The following GALT variants were observed in gnomAD, a reference collection of about 807,000 sequenced individuals.
GALT encodes galactose-1-phosphate uridylyltransferase.
GALT carries 42 observed loss-of-function variants against 55.4 expected under a neutral mutation model. That is an observed-to-expected ratio of 0.76 (90% CI 0.59 to 0.98). The LOEUF (loss-of-function observed/expected upper bound fraction) is 0.98, where lower values mean the gene tolerates loss of function less well. GALT is among the 50% of genes least tolerant of loss of function. The pLI is 0.00. For synonymous variants in GALT, 154 were observed against 181.5 expected (o/e 0.85, Z 1.22); for missense variants, 407 against 495.7 (o/e 0.82, Z 1.70).
chr9:34,647,722 C>T lies in GALT; in HGVS notation c.377+17C>T, dbSNP rs188599777. On this transcript the variant is annotated intron_variant, in intron 4 of 10. Transcript: ENST00000378842. This position sits in a 1 kb window ranked among gnomAD's most constrained non-coding sequence, Gnocchi z 5.6. ...AGGAGTCTGGTAACTATGGATTTCC[C>T]CTCTTACAACTTTCAAACCAGAGTT... The T allele has an allele frequency of 6.2e-7, 1 of 1,614,116 alleles. No individual in the cohort carries two copies. The highest frequency in any genetic ancestry group is 8.5e-7 in the Non-Finnish European group (1 of 1,179,988).
At position 34,647,574 on chromosome 9, in the gene GALT, T is replaced by C. The variant is rs774350978; in HGVS notation, c.328+7T>C. ...CCTGATGCCCCCAGTCCAGGTAACCTGGCTCCAACTGCTGCTGGGGAGGAG... is the reference window on the plus strand; with the variant it reads ...CCTGATGCCCCCAGTCCAGGTAACCCGGCTCCAACTGCTGCTGGGGAGGAG... On this transcript the variant is annotated splice_region_variant and intron_variant, in intron 3 of 10. Coordinates refer to ENST00000378842, the MANE Select transcript of GALT (RefSeq NM_000155.4). The surrounding 1 kb of genome is among the most constrained non-coding windows in gnomAD (Gnocchi z 5.6). 3.2e-5 allele frequency: 52 copies of C among 1,614,048 alleles called. No homozygotes were observed. The Middle Eastern group carries it at 4.9e-3, about 153-fold the overall frequency.
intron 10 of GALT, 197 bp downstream of exon 10, chr9:34,649,761 C>T: frequency 5.0e-6 from 3 of 604,414 alleles, no homozygotes; most frequent in Non-Finnish European, 8.8e-6. Flanking sequence ...CTCCTGCTTC[C>T]TCCAGGGAAC....
chr9:34,648,652 G>T lies in GALT; in HGVS notation c.688-110G>T. 6.6e-7 allele frequency: 1 copy of T among 1,513,548 alleles called. No homozygotes were observed. The highest frequency in any genetic ancestry group is 9.1e-7 in the Non-Finnish European group (1 of 1,096,750). The allele number at this position is 1,513,548 out of a possible 1,614,324, so 93.8% of individuals were successfully genotyped here. On this transcript the variant is annotated intron_variant, in intron 7 of 10. Coordinates refer to ENST00000378842, the MANE Select transcript of GALT (RefSeq NM_000155.4). This position sits in a 1 kb window ranked among gnomAD's most constrained non-coding sequence, Gnocchi z 4.9. ...TGGTTAGTGGTAGAGGTGGTGAGAA[G>T]ACATCAGATCCTGGGCACATTCTTT...
chr9:34,649,043 T>C lies in GALT; in HGVS notation c.866T>C (p.Leu289Pro). The C allele has an allele frequency of 6.2e-7, 1 of 1,614,076 alleles. No individual in the cohort carries two copies. Among genetic ancestry groups the C allele is most frequent in the African/African-American group, 1.3e-5 (1 of 75,014 alleles). ...MKKLLTKYDNLFETSFPYSMG... is the reference protein window; with the variant it reads ...MKKLLTKYDNPFETSFPYSMG... Reference sequence around the variant, plus strand: ...AAGCTCTTGACCAAGTATGACAACCTCTTTGAGACGTCCTTTCCCTACTCC... The same window carrying C: ...AAGCTCTTGACCAAGTATGACAACCCCTTTGAGACGTCCTTTCCCTACTCC... The change falls in exon 9 of 11, where the codon CTC (leucine) becomes CCC (proline). Residue 289 changes from leucine (L) to proline (P), a missense_variant. Physicochemically the swap from Leu to Pro is moderately conservative, Grantham distance 98. Coordinates refer to ENST00000378842, the MANE Select transcript of GALT (RefSeq NM_000155.4).
Position 34,648,711 on chromosome 9 carries a change from C to A in GALT, c.688-51C>A. 1 of 1,609,466 alleles carries A rather than the reference C, an allele frequency of 6.2e-7. No homozygotes were observed. Among genetic ancestry groups the A allele is most frequent in the Non-Finnish European group, 8.5e-7 (1 of 1,179,262 alleles). ...TTCCCTTGCCTATTTGCTGACCACACTCCGGCTCCTATGTCACCTTGATGA... is the reference window on the plus strand; with the variant it reads ...TTCCCTTGCCTATTTGCTGACCACAATCCGGCTCCTATGTCACCTTGATGA... On this transcript the variant is annotated intron_variant, in intron 7 of 10. Transcript: ENST00000378842. This position sits in a 1 kb window ranked among gnomAD's most constrained non-coding sequence, Gnocchi z 4.9.
In GALT at chr9:34,648,679, C is replaced by T; in HGVS notation, c.688-83C>T. On this transcript the variant is annotated intron_variant, in intron 7 of 10. Coordinates refer to ENST00000378842, the MANE Select transcript of GALT (RefSeq NM_000155.4). This position sits in a 1 kb window ranked among gnomAD's most constrained non-coding sequence, Gnocchi z 4.9. ...CATCAGATCCTGGGCACATTCTTTT[C>T]TTCTGCTTCCCTTGCCTATTTGCTG... is the stretch of plus-strand genomic sequence containing the variant. 1 of 1,577,878 alleles carries T rather than the reference C, an allele frequency of 6.3e-7. No individual in the cohort carries two copies. Among genetic ancestry groups the T allele is most frequent in the South Asian group, 1.1e-5 (1 of 90,216 alleles).
chr9:34,649,293 A>T, intron 9 of GALT, 117 bp from the exon 10 acceptor site: 1 of 1,430,920 alleles, frequency 7.0e-7, no homozygotes, highest in African/African-American at 1.4e-5. Flanking sequence ...GCTCTTCTCA[A>T]GCAGGGGATC....
Position 34,647,507 on chromosome 9 carries a change from G to A in GALT, c.268G>A (p.Asp90Asn), listed in dbSNP as rs201330799. ...RANGEVNPQY[D>N]STFLFDNDFP... ...TTGTCGGTAGGTGAATCCCCAGTAC[G>A]ATAGCACCTTCCTGTTTGACAACGA... The change falls in exon 3 of 11, where the codon GAT (aspartate) becomes AAT (asparagine). Residue 90 changes from aspartate (D) to asparagine (N), a missense_variant. Asp to Asn is a conservative substitution (Grantham distance 23). Transcript: ENST00000378842. The surrounding 1 kb of genome is among the most constrained non-coding windows in gnomAD (Gnocchi z 5.6). The A allele has an allele frequency of 3.1e-6, 5 of 1,614,010 alleles. No individual in the cohort carries two copies. The highest frequency in any genetic ancestry group is 2.7e-5 in the African/African-American group (2 of 74,900).
At position 34,648,732 on chromosome 9, in the gene GALT, G is replaced by C; in HGVS notation, c.688-30G>C. 1 of 1,611,866 alleles carries C rather than the reference G, an allele frequency of 6.2e-7. No homozygotes were observed. Among genetic ancestry groups the C allele is most frequent in the Non-Finnish European group, 8.5e-7 (1 of 1,179,948 alleles). On this transcript the variant is annotated intron_variant, in intron 7 of 10. Coordinates refer to ENST00000378842, the MANE Select transcript of GALT (RefSeq NM_000155.4). This position sits in a 1 kb window ranked among gnomAD's most constrained non-coding sequence, Gnocchi z 4.9. ...CACACTCCGGCTCCTATGTCACCTT[G>C]ATGACTTCCTATCCATTCTGTCTTC...
chr9:34,649,349 T>A, intron 9 of GALT, 61 bp from the exon 10 acceptor site: 1 of 1,608,616 alleles, frequency 6.2e-7, no homozygotes, highest in Non-Finnish European at 8.5e-7. Context: ...TGGGAGTAGG[T>A]GCTAACCTGG....
chr9:34,648,301 T>C lies in GALT; in HGVS notation c.565-33T>C. 6.2e-7 allele frequency: 1 copy of C among 1,614,034 alleles called. No homozygotes were observed. ...TGTGGAGGCTTGGAGGTAAAGGACC[T>C]GCCTGTTCTTCTCTGCTTTTGCCCC... On this transcript the variant is annotated intron_variant, in intron 6 of 10. Transcript: ENST00000378842. This position sits in a 1 kb window ranked among gnomAD's most constrained non-coding sequence, Gnocchi z 4.9.
At chr9:34,649,789 GAT>G in intron 10 of GALT, 1 of 554,648 alleles carries the variant, frequency 1.8e-6, no homozygotes, top group Non-Finnish European at 3.2e-6. Flanking sequence ...TCATGACCCT[GAT>G]AGTTTCCCAT....
intron 9 of GALT, 112 bp from the exon 10 acceptor site, chr9:34,649,298 G>A: frequency 6.9e-7 from 1 of 1,445,716 alleles, no homozygotes; most frequent in Non-Finnish European, 9.7e-7. Flanking sequence ...TCTCAAGCAG[G>A]GGATCCTGGG....
At position 34,648,827 on chromosome 9, in the gene GALT, C is replaced by T. The variant is rs367543261; in HGVS notation, c.753C>T (p.Tyr251=). The change falls in exon 8 of 11, where the codon TAC becomes TAT. Residue 251 remains tyrosine (Y), a synonymous_variant. Transcript: ENST00000378842. This position sits in a 1 kb window ranked among gnomAD's most constrained non-coding sequence, Gnocchi z 4.9. The stretch of plus-strand genomic sequence containing the variant: ...TCCCCTTCTGGGCAACATGGCCCTA[C>T]CAGACACTGCTGCTGCCCCGTCGGC... ...VLVPFWATWP[Y]QTLLLPRRHV... is the part of the protein sequence containing the mutation. 20 of 1,613,426 alleles carry T rather than the reference C, an allele frequency of 1.2e-5. No individual in the cohort carries two copies. The highest frequency in any genetic ancestry group is 1.6e-5 in the Non-Finnish European group (19 of 1,180,008).
chr9:34,649,314 T>C, intron 9 of GALT, 96 bp from the exon 10 acceptor site: 1 of 1,509,594 alleles, frequency 6.6e-7, no homozygotes, highest in Non-Finnish European at 9.2e-7. Context: ...CTGGGAGATG[T>C]AGTTTTCAGA....
At chr9:34,650,144 A>G (rs2132347463) in intron 10 of GALT, 2 of 548,786 alleles carry the variant, frequency 3.6e-6, no homozygotes, top group Admixed American at 6.2e-5. Context: ...TTAGCCAGGT[A>G]TGGTGGCATA....
rs193922247 is a variant in GALT, at chr9:34,647,209, A to G, written c.203A>G (p.His68Arg). 1 of 1,614,178 alleles carries G rather than the reference A, an allele frequency of 6.2e-7. No individual in the cohort carries two copies. The highest frequency in any genetic ancestry group is 2.2e-5 in the East Asian group (1 of 44,874). ...CAGCTTCTGAAGACAGTGCCCCGCC[A>G]TGACCCTCTCAACCCTCTGTGTCCT... ...EPQLLKTVPRHDPLNPLCPGA... is the reference protein window; with the variant it reads ...EPQLLKTVPRRDPLNPLCPGA... The change falls in exon 2 of 11, where the codon CAT (histidine) becomes CGT (arginine). Residue 68 changes from histidine to arginine, a missense_variant. By Grantham distance (29) the His-to-Arg change is conservative. Coordinates refer to ENST00000378842, the MANE Select transcript of GALT (RefSeq NM_000155.4). This position sits in a 1 kb window ranked among gnomAD's most constrained non-coding sequence, Gnocchi z 5.6.
chr9:34,647,713 T>C lies in GALT; in HGVS notation c.377+8T>C, dbSNP rs1587238189. The C allele has an allele frequency of 6.2e-7, 1 of 1,614,162 alleles. No individual in the cohort carries two copies. The highest frequency in any genetic ancestry group is 1.7e-5 in the Admixed American group (1 of 60,010). ...GTCTGCTCGAGGAGTCTGGTAACTATGGATTTCCCCTCTTACAACTTTCAA... is the reference window on the plus strand; with the variant it reads ...GTCTGCTCGAGGAGTCTGGTAACTACGGATTTCCCCTCTTACAACTTTCAA... On this transcript the variant is annotated splice_region_variant and intron_variant, in intron 4 of 10. Transcript: ENST00000378842. This position sits in a 1 kb window ranked among gnomAD's most constrained non-coding sequence, Gnocchi z 5.6.
chr9:34,646,743 G>T lies in GALT; in HGVS notation c.39G>T (p.Gln13His). Residue 13 changes from glutamine (Q) to histidine (H), a missense_variant, in exon 1 of 11, where the codon CAG (glutamine) becomes CAT (histidine). Transcript: ENST00000378842. ...GAACCGATCCTCAGCAACGCCAGCA[G>T]GCGTCAGAGGCGGACGCCGCAGCAG... The part of the protein sequence containing the change: ...RSGTDPQQRQ[Q>H]ASEADAAAAT... 6.2e-7 allele frequency: 1 copy of T among 1,613,728 alleles called. No homozygotes were observed. The highest frequency in any genetic ancestry group is 8.5e-7 in the Non-Finnish European group (1 of 1,179,972).
Sources: allele counts gnomAD v4.1 joint callset, GRCh38; gene constraint gnomAD v4.1.1; non-coding constraint Gnocchi (gnomAD v3.1); transcripts MANE v1.5; gene names NCBI Gene and HGNC (gene_info 2026-07-23, HGNC 2026-07-21).